The following POM121C variants were observed in gnomAD, a reference collection of about 807,000 sequenced individuals.
POM121C encodes nuclear envelope pore membrane protein POM 121C.
A neutral mutation model predicts 66.4 loss-of-function variants in POM121C; 20 were observed. The ratio of observed to expected loss-of-function variants is 0.30; its 90% CI spans 0.21 to 0.44. The LOEUF (loss-of-function observed/expected upper bound fraction) is 0.44, where lower values mean the gene tolerates loss of function less well. Among genes scored for constraint, POM121C ranks in the 20% least tolerant of loss-of-function variants. POM121C has a pLI of 1.00. For synonymous variants in POM121C, 286 were observed against 528.0 expected (o/e 0.54, Z 6.28); for missense variants, 580 against 1,225.7 (o/e 0.47, Z 7.87).
chr7:75,471,145 G>A (rs1791859389), intron 3 of POM121C, among the ~76,000 whole-genome samples: 1 of 152,160 alleles, frequency 6.6e-6, no homozygotes, highest in Non-Finnish European at 1.5e-5. Context: ...ATTCTAATGA[G>A]CTAAGCATCT....
At chr7:75,433,664 AT>A (rs1465835173) in intron 7 of POM121C, among the ~76,000 whole-genome samples, 3 of 152,140 alleles carry the variant, frequency 2.0e-5, no homozygotes, top group African/African-American at 7.2e-5. Context: ...TGGCCAAAAG[AT>A]TTTTAAAAGC....
rs192318619 is a variant in POM121C at position 75,418,384 on chromosome 7, C to T, written c.*412G>A. On this transcript the variant is annotated 3_prime_UTR_variant, in exon 15 of 15. Coordinates refer to ENST00000615331, the MANE Select transcript of POM121C (RefSeq NM_001099415.3). ...ATAAAGCTTTAGGGATAACCCATTT[C>T]CCAAATCCCATCAGGTGCACACCAC... 1.6e-3 allele frequency: 1,647 copies of T among 1,000,540 alleles called. 20 individuals carry two copies. The African/African-American group carries it at 0.025, about 15-fold the overall frequency. 62.0% of individuals were successfully genotyped at this position (1,000,540 alleles called of 1,614,324 possible).
intron 7 of POM121C, 25 bp downstream of exon 7, chr7:75,437,490 C>G: frequency 3.1e-6 from 5 of 1,588,394 alleles, no homozygotes; most frequent in Non-Finnish European, 4.3e-6. Context: ...TCATGCCCCC[C>G]ACATTACAAG....
chr7:75,441,385 A>G, intron 4 of POM121C, 47 bp downstream of exon 4: 3 of 1,581,280 alleles, frequency 1.9e-6, no homozygotes, highest in South Asian at 2.2e-5. Flanking sequence ...GGAGAAGAAT[A>G]AAGTGGACAC....
At chr7:75,419,628 A>G in intron 13 of POM121C, 186 bp from the exon 14 acceptor site, 1 of 687,432 alleles carries the variant, frequency 1.5e-6, no homozygotes. Context: ...GCCCCAGCTC[A>G]GCCTGCTTCT....
rs1303527850 is a variant in POM121C, at chr7:75,442,847, G to A, written c.-151-1200C>T. 12 of 1,110,382 alleles carry A rather than the reference G, an allele frequency of 1.1e-5. No homozygotes were observed. In the African/African-American group the frequency reaches 1.5e-4, roughly 14 times the overall value. 68.8% of individuals were successfully genotyped at this position (1,110,382 alleles called of 1,614,324 possible). On this transcript the variant is annotated intron_variant, in intron 3 of 14. Coordinates refer to ENST00000615331, the MANE Select transcript of POM121C (RefSeq NM_001099415.3). ...GACGCTACAGCCCGGCAGCTCCCGA[G>A]ACACAGCTGTTTTGGAAAATGCTGC...
chr7:75,458,719 G>T (rs2116472664), intron 3 of POM121C, among the ~76,000 whole-genome samples: 1 of 152,178 alleles, frequency 6.6e-6, no homozygotes. Context: ...AGGAACTACA[G>T]TCTCATAACA....
intron 3 of POM121C, among the ~76,000 whole-genome samples, chr7:75,466,324 G>A (rs1226525398): frequency 6.6e-6 from 1 of 151,514 alleles, no homozygotes; most frequent in Non-Finnish European, 1.5e-5. Context: ...TATAAGAGCA[G>A]GCTGGGAGGG....
chr7:75,466,511 A>T (rs1791655311), intron 3 of POM121C, among the ~76,000 whole-genome samples: 2 of 151,994 alleles, frequency 1.3e-5, no homozygotes, highest in African/African-American at 4.8e-5. Flanking sequence ...AAGCTGAGGT[A>T]GGAGAATCGC....
Position 75,441,549 on chromosome 7 carries a change from A to G in POM121C, c.-53T>C, listed in dbSNP as rs1584674731. ...CTTCTTGTGATAACCATTCCAGCAC[A>G]CTGTGGGAAGTACCCCCGGACAGGA... is the stretch of plus-strand genomic sequence containing the variant. On this transcript the variant is annotated 5_prime_UTR_variant, in exon 4 of 15. Transcript: ENST00000615331. 1.2e-6 allele frequency: 2 copies of G among 1,613,524 alleles called. No homozygotes were observed. The highest frequency in any genetic ancestry group is 2.2e-5 in the East Asian group (1 of 44,884).
chr7:75,442,116 G>A (rs1401178227), intron 3 of POM121C: 6 of 1,370,680 alleles, frequency 4.4e-6, no homozygotes, highest in Non-Finnish European at 5.6e-6. Context: ...CGAGCCAGAG[G>A]ATGATCTGGG....
At chr7:75,419,768 G>A (rs1230188100) in intron 13 of POM121C, 10 of 324,610 alleles carry the variant, frequency 3.1e-5, no homozygotes, top group Admixed American at 1.5e-4. Flanking sequence ...ACCTGGGTTG[G>A]CTACCTCCTC....
chr7:75,485,859 C>A lies in POM121C; in HGVS notation c.-458+5G>T. The A allele has an allele frequency of 2.0e-6, 1 of 508,150 alleles. No individual in the cohort carries two copies. The highest frequency in any genetic ancestry group is 3.9e-6 in the Non-Finnish European group (1 of 255,858). 31.5% of individuals were successfully genotyped at this position (508,150 alleles called of 1,614,324 possible). A position where few individuals can be genotyped will look rare whatever the true frequency, so the allele number is the denominator to read the frequency against. On this transcript the variant is annotated splice_donor_5th_base_variant and intron_variant, in intron 1 of 14. Transcript: ENST00000615331. ...TCGCTCCGGGCCCAAAAACCCAAGA[C>A]TTACCCTCCTGGGGCTCCGCAGCCT...
In POM121C at chr7:75,437,586, T is replaced by C. The variant is rs427206; in HGVS notation, c.409A>G (p.Thr137Ala). ...SSMSSLTGAY[T>A]SGIPSSSRNA... ...CGGCTGGAGCTAGGGATGCCACTTG[T>C]GTAAGCGCCTGTCAAGGAGCTCATG... Residue 137 changes from threonine to alanine, a missense_variant, in exon 7 of 15, where the codon ACA (threonine) becomes GCA (alanine). Thr to Ala is a moderately conservative substitution (Grantham distance 58). Coordinates refer to ENST00000615331, the MANE Select transcript of POM121C (RefSeq NM_001099415.3). The C allele has an allele frequency of 1.1e-5, 18 of 1,613,958 alleles. No individual in the cohort carries two copies. Among genetic ancestry groups the C allele is most frequent in the Middle Eastern group, 1.7e-4 (1 of 6,048 alleles).
intron 7 of POM121C, among the ~76,000 whole-genome samples, chr7:75,433,606 A>G (rs1790278014): frequency 6.6e-6 from 1 of 152,130 alleles, no homozygotes; most frequent in South Asian, 2.1e-4. Flanking sequence ...TGATCTGCCC[A>G]CCTCAGTCTC....
chr7:75,443,182 A>C (rs1554474360), intron 3 of POM121C, among the ~76,000 whole-genome samples: 3 of 152,318 alleles, frequency 2.0e-5, no homozygotes, highest in South Asian at 4.1e-4. Context: ...ACCAAATTTC[A>C]CATCATGGCC....
chr7:75,435,206 A>G (rs1250883380), intron 7 of POM121C, among the ~76,000 whole-genome samples: 2 of 152,232 alleles, frequency 1.3e-5, no homozygotes, highest in South Asian at 2.1e-4. Context: ...GTACCTATGC[A>G]GTTGTAAGAC....
chr7:75,439,859 G>A (rs1304191211), intron 5 of POM121C, among the ~76,000 whole-genome samples: 7 of 150,308 alleles, frequency 4.7e-5, no homozygotes, highest in South Asian at 4.3e-4. Context: ...TTTTCATTAG[G>A]TTATTTTACA....
rs1426233527 is a variant in POM121C, at chr7:75,441,119, T to C, written c.66-4A>G. ...TGAGCTGATTATCTGCTCTGGTCTA[T>C]AATGAAAGACAAGATTCTAGCCGTA... On this transcript the variant is annotated splice_polypyrimidine_tract_variant and splice_region_variant and intron_variant, in intron 4 of 14. Transcript: ENST00000615331. 4 of 1,612,444 alleles carry C rather than the reference T, an allele frequency of 2.5e-6. No individual in the cohort carries two copies. Among genetic ancestry groups the C allele is most frequent in the Middle Eastern group, 1.7e-4 (1 of 6,046 alleles).
Sources: allele counts gnomAD v4.1 joint callset (sites outside exome capture counted in the v4.1 genomes callset), GRCh38; gene constraint gnomAD v4.1.1; transcripts MANE v1.5; gene names NCBI Gene and HGNC (gene_info 2026-07-23, HGNC 2026-07-21).